The following PTPRM variants were observed in gnomAD, a reference collection of about 807,000 sequenced individuals.
PTPRM encodes receptor-type tyrosine-protein phosphatase mu.
In PTPRM, 47 loss-of-function variants were observed where a neutral mutation model predicts 186.7. That is an observed-to-expected ratio of 0.25 (90% CI 0.20 to 0.32). The LOEUF is 0.32. Among genes scored for constraint, PTPRM ranks in the 10% least tolerant of loss-of-function variants. The pLI is 1.00. For synonymous variants in PTPRM, 668 were observed against 674.9 expected, an observed-to-expected ratio of 0.99 and a Z score of 0.16; for missense variants, 1,494 against 1,865.0, an observed-to-expected ratio of 0.80 and a Z score of 3.66.
At position 8,109,436 on chromosome 18, in the gene PTPRM, A is replaced by G. The variant is rs537209395; in HGVS notation, c.1857-4050A>G. Among the ~76,000 whole-genome samples, 3 of 152,316 alleles carry G rather than the reference A, an allele frequency of 2.0e-5. No individual in the cohort carries two copies. The East Asian group carries it at 5.8e-4, about 29-fold the overall frequency. ...TTTGGGTTTGAAATTGCTCCAGTCAACTTAGTTCTTTCTTTAATATATCTG... is the reference window on the plus strand; with the variant it reads ...TTTGGGTTTGAAATTGCTCCAGTCAGCTTAGTTCTTTCTTTAATATATCTG... On this transcript the variant is annotated intron_variant, in intron 11 of 32. Transcript: ENST00000580170.
intron 2 of PTPRM, chr18:7,814,399 T>C (rs1002240374): frequency 6.6e-5 from 10 of 152,208 alleles, no homozygotes; most frequent in African/African-American, 1.9e-4. Context: ...CATCCCACTG[T>C]GGGCAATAAG....
chr18:7,777,721 A>G (rs750151146), intron 2 of PTPRM, among the ~76,000 whole-genome samples: 3 of 152,206 alleles, frequency 2.0e-5, no homozygotes, highest in Non-Finnish European at 4.4e-5. Context: ...CAGTAAGAAA[A>G]AGAAAAAACA....
chr18:7,803,764 T>G (rs929879314), intron 2 of PTPRM, among the ~76,000 whole-genome samples: 6 of 152,144 alleles, frequency 3.9e-5, no homozygotes, highest in Non-Finnish European at 8.8e-5. Context: ...TGTAATTAGA[T>G]TTGAGTTATT....
chr18:7,987,637 G>A (rs2083036335), intron 7 of PTPRM, among the ~76,000 whole-genome samples: 1 of 152,136 alleles, frequency 6.6e-6, no homozygotes, highest in South Asian at 2.1e-4. Flanking sequence ...GGCTGATGGT[G>A]AAATTAACCT....
intron 19 of PTPRM, among the ~76,000 whole-genome samples, chr18:8,289,397 T>G (rs1601649453): frequency 7.3e-6 from 1 of 137,428 alleles, no homozygotes; most frequent in East Asian, 2.0e-4. Flanking sequence ...ATTGTGTGTG[T>G]GTATATATAT....
At chr18:8,005,798 A>T (rs1370138486) in intron 7 of PTPRM, among the ~76,000 whole-genome samples, 1 of 152,138 alleles carries the variant, frequency 6.6e-6, no homozygotes, top group African/African-American at 2.4e-5. Flanking sequence ...CACTCATTTT[A>T]TACTTAAATA....
intron 17 of PTPRM, among the ~76,000 whole-genome samples, chr18:8,251,001 A>G (rs2094523228): frequency 6.6e-6 from 1 of 152,154 alleles, no homozygotes; most frequent in African/African-American, 2.4e-5. Context: ...CCTCTTCCAT[A>G]TGCATGTACT....
chr18:8,338,915 G>T (rs1053344463), intron 22 of PTPRM, among the ~76,000 whole-genome samples: 3 of 152,132 alleles, frequency 2.0e-5, no homozygotes, highest in African/African-American at 7.2e-5. Flanking sequence ...AAAAGCAGGG[G>T]TACAAGTCAT....
chr18:7,652,625 T>C lies in PTPRM; in HGVS notation c.73+84734T>C, dbSNP rs545048868. ...GTAGGGACATGGATGAAGTTGGAAA[T>C]CATCATTCTCAGTAAACTATCGCAA... On this transcript the variant is annotated intron_variant, in intron 1 of 32. Transcript: ENST00000580170. Among the ~76,000 whole-genome samples the C allele has an allele frequency of 2.9e-3, 437 of 151,518 alleles. 4 individuals are homozygous for C. The highest frequency in any genetic ancestry group is 0.01 in the African/African-American group (425 of 41,246).
At chr18:8,008,466 AATAG>A (rs554239017) in intron 7 of PTPRM, among the ~76,000 whole-genome samples, 20 of 152,322 alleles carry the variant, frequency 1.3e-4, no homozygotes, top group African/African-American at 4.3e-4. Context: ...TGTTTTTATG[AATAG>A]ATAATTAAAG....
intron 13 of PTPRM, among the ~76,000 whole-genome samples, chr18:8,125,994 T>C (rs530164778): frequency 2.6e-4 from 3 of 11,664 alleles, no homozygotes; most frequent in Non-Finnish European, 1.0e-3. Context: ...TATATATATA[T>C]ATATATATAT....
intron 14 of PTPRM, among the ~76,000 whole-genome samples, chr18:8,184,875 G>A (rs929891010): frequency 6.6e-6 from 1 of 152,098 alleles, no homozygotes; most frequent in East Asian, 1.9e-4. Context: ...CTGGTCCTAG[G>A]TCCAGGCTAG....
chr18:8,358,665 A>G lies in PTPRM; in HGVS notation c.3055-12225A>G, dbSNP rs76069257. ...GATCCTTCAAGACATGTACAACCCA[A>G]TTATAGAGGTATTACATAAGGTTGT... On this transcript the variant is annotated intron_variant, in intron 23 of 32. Transcript: ENST00000580170. Among the ~76,000 whole-genome samples the G allele has an allele frequency of 7.5e-3, 1,144 of 152,308 alleles. 11 individuals are homozygous for G. Among genetic ancestry groups the G allele is most frequent in the African/African-American group, 0.026 (1,083 of 41,572 alleles).
intron 11 of PTPRM, among the ~76,000 whole-genome samples, chr18:8,106,232 A>C (rs2145610679): frequency 6.6e-6 from 1 of 152,200 alleles, no homozygotes; most frequent in Middle Eastern, 3.4e-3. Context: ...GACCCAGCTC[A>C]TTGTCTTCCA....
chr18:7,941,220 T>G (rs1319754393), intron 5 of PTPRM, among the ~76,000 whole-genome samples: 3 of 152,214 alleles, frequency 2.0e-5, no homozygotes, highest in Non-Finnish European at 2.9e-5. Context: ...ATTTATTCAC[T>G]GTCTAGCCCA....
At chr18:8,138,756 C>T (rs1351482537) in intron 13 of PTPRM, among the ~76,000 whole-genome samples, 1 of 152,194 alleles carries the variant, frequency 6.6e-6, no homozygotes. Flanking sequence ...CTCCAGCAGG[C>T]AGCTCCTTTC....
At chr18:7,956,324 A>G (rs1253914549) in intron 7 of PTPRM, among the ~76,000 whole-genome samples, 4 of 152,238 alleles carry the variant, frequency 2.6e-5, no homozygotes, top group Admixed American at 1.3e-4. Flanking sequence ...GTCAGATTCT[A>G]TCTGGTAGGA....
chr18:8,329,165 G>GT (rs1014463266), intron 22 of PTPRM, among the ~76,000 whole-genome samples: 1 of 152,218 alleles, frequency 6.6e-6, no homozygotes, highest in Non-Finnish European at 1.5e-5. Flanking sequence ...AGAGTATTTA[G>GT]AGGGGTTCCT....
In PTPRM at chr18:7,985,273, TA is replaced by T. The variant is rs1286857293; in HGVS notation, c.1132+29860del. 4.2e-4 allele frequency among the ~76,000 whole-genome samples: 34 copies of T among 80,150 alleles called. 5 individuals carry two copies. The highest frequency in any genetic ancestry group is 1.5e-3 in the African/African-American group (29 of 19,216). 52.6% of individuals were successfully genotyped at this position (80,150 alleles called of 152,430 possible). ...TACACATATAAATATATACATATAA[TA>T]GTATATACACATAAATATATACATA... On this transcript the variant is annotated intron_variant, in intron 7 of 32. Coordinates refer to ENST00000580170, the MANE Select transcript of PTPRM (RefSeq NM_001105244.2).
Sources: gnomAD v4.1 joint callset for allele counts (sites outside exome capture counted in the v4.1 genomes callset) on GRCh38, gnomAD v4.1.1 for gene constraint, MANE v1.5 for transcripts, NCBI Gene and HGNC (gene_info 2026-07-23, HGNC 2026-07-21) for gene names.